Variants in IRAG1 observed in about 807,000 individuals in gnomAD.
The protein encoded by IRAG1 is inositol 1,4,5-triphosphate receptor associated 1.
A neutral mutation model predicts 106.2 loss-of-function variants in IRAG1; 62 were observed. The ratio of observed to expected loss-of-function variants is 0.58; its 90% confidence interval spans 0.48 to 0.72. The LOEUF is 0.72. Among genes scored for constraint, IRAG1 ranks in the 30% least tolerant of loss-of-function variants. The pLI, the probability that IRAG1 is intolerant of heterozygous loss-of-function variation, is 0.00. For synonymous variants in IRAG1, 462 were observed against 443.9 expected (o/e 1.04, Z -0.51); for missense variants, 1,064 against 1,140.7 (o/e 0.93, Z 0.97).
chr11:10,625,082 G>T (rs1291491852), intron 9 of IRAG1, among the ~76,000 whole-genome samples: 1 of 152,178 alleles, frequency 6.6e-6, no homozygotes, highest in Non-Finnish European at 1.5e-5. Flanking sequence ...CATCATGAAG[G>T]TATCTGAATA....
intron 3 of IRAG1, among the ~76,000 whole-genome samples, chr11:10,633,214 A>G (rs1351480040): frequency 2.0e-5 from 3 of 151,446 alleles, no homozygotes; most frequent in African/African-American, 4.9e-5. Context: ...AGCTGGGACT[A>G]CAGGCGCCCG....
At chr11:10,690,266 T>C in intron 1 of IRAG1, 1 of 526,826 alleles carries the variant, frequency 1.9e-6, no homozygotes, top group Non-Finnish European at 3.1e-6. Context: ...GGTACTCACC[T>C]GTAATCCCAG....
rs1386677865 is a variant in IRAG1, at chr11:10,626,297, C to T, written c.1037G>A (p.Arg346Lys). Reference sequence around the variant, plus strand: ...TCCTGCCGCATCCTGGGTTGGACTTCTCGGCAGAGGGCTGCCCTCCCAGCC... The same window carrying T: ...TCCTGCCGCATCCTGGGTTGGACTTTTCGGCAGAGGGCTGCCCTCCCAGCC... Reference protein sequence around the residue: ...KTGWEGSPLPRSPTQDAAGVG... With the variant: ...KTGWEGSPLPKSPTQDAAGVG... The change falls in exon 9 of 21, where the codon AGA becomes AAA. Residue 346 changes from arginine to lysine, a missense_variant. By Grantham distance (26) the Arg-to-Lys change is conservative. Coordinates refer to ENST00000423302, the MANE Select transcript of IRAG1 (RefSeq NM_130385.4). The T allele has an allele frequency of 1.2e-6, 2 of 1,612,968 alleles. No homozygotes were observed. Among genetic ancestry groups the T allele is most frequent in the African/African-American group, 2.7e-5 (2 of 74,924 alleles).
intron 1 of IRAG1, among the ~76,000 whole-genome samples, chr11:10,688,630 C>T (rs1293042294): frequency 1.3e-5 from 2 of 152,070 alleles, no homozygotes; most frequent in Non-Finnish European, 2.9e-5. Flanking sequence ...TTCCTAAATT[C>T]CTGTTGGTTT....
intron 15 of IRAG1, among the ~76,000 whole-genome samples, chr11:10,595,330 T>C (rs1477525745): frequency 6.6e-6 from 1 of 152,198 alleles, no homozygotes; most frequent in East Asian, 1.9e-4. Flanking sequence ...CATGTAATTT[T>C]ATATTTTCTA....
chr11:10,633,144 G>C (rs987667387), intron 3 of IRAG1, among the ~76,000 whole-genome samples: 10 of 149,368 alleles, frequency 6.7e-5, no homozygotes, highest in South Asian at 4.2e-4. Context: ...GCGCGATCTG[G>C]GCTCACTGCA....
chr11:10,685,828 C>T (rs983461742), intron 1 of IRAG1, among the ~76,000 whole-genome samples: 3 of 152,008 alleles, frequency 2.0e-5, no homozygotes, highest in Non-Finnish European at 2.9e-5. Context: ...AGGTCACTAA[C>T]CAGGCTTAGG....
intron 2 of IRAG1, among the ~76,000 whole-genome samples, chr11:10,635,742 T>G (rs1857098486): frequency 6.6e-6 from 1 of 152,194 alleles, no homozygotes; most frequent in Admixed American, 6.5e-5. Flanking sequence ...TCTCTTCCCT[T>G]CTTTGGCCCC....
chr11:10,632,423 TG>T (rs1476302789), intron 3 of IRAG1, among the ~76,000 whole-genome samples: 1 of 152,164 alleles, frequency 6.6e-6, no homozygotes, highest in African/African-American at 2.4e-5. Context: ...TGACCTCAGG[TG>T]ATCTGCCCGC....
At chr11:10,617,552 TAA>T (rs1855524970) in intron 10 of IRAG1, among the ~76,000 whole-genome samples, 1 of 152,226 alleles carries the variant, frequency 6.6e-6, no homozygotes, top group Non-Finnish European at 1.5e-5. Context: ...TCAGCTGAGT[TAA>T]AGTGATTTAC....
chr11:10,673,957 G>C (rs1245694477), intron 1 of IRAG1, among the ~76,000 whole-genome samples: 1 of 151,946 alleles, frequency 6.6e-6, no homozygotes, highest in Non-Finnish European at 1.5e-5. Flanking sequence ...AGAGATGAAG[G>C]GACAGGGACA....
At chr11:10,630,924 T>A (rs1349652586) in intron 4 of IRAG1, among the ~76,000 whole-genome samples, 1 of 152,192 alleles carries the variant, frequency 6.6e-6, no homozygotes. Context: ...CAGAATCCCC[T>A]TGGCCACAGG....
At chr11:10,648,832 C>T (rs934117776) in intron 2 of IRAG1, among the ~76,000 whole-genome samples, 1 of 152,040 alleles carries the variant, frequency 6.6e-6, no homozygotes, top group African/African-American at 2.4e-5. Flanking sequence ...TGCGTGTGTA[C>T]GTGCAGAAAG....
chr11:10,682,834 C>T (rs1321591722), intron 1 of IRAG1, among the ~76,000 whole-genome samples: 1 of 152,178 alleles, frequency 6.6e-6, no homozygotes. Flanking sequence ...GGGATGGCTT[C>T]CCCATGACCA....
intron 1 of IRAG1, among the ~76,000 whole-genome samples, chr11:10,671,452 C>A (rs539196910): frequency 1.3e-5 from 2 of 152,310 alleles, no homozygotes; most frequent in East Asian, 3.9e-4. Flanking sequence ...TAGCTCACAC[C>A]TGTAATACCA....
At chr11:10,653,592 G>A (rs931895194) in intron 1 of IRAG1, among the ~76,000 whole-genome samples, 3 of 152,110 alleles carry the variant, frequency 2.0e-5, no homozygotes, top group African/African-American at 7.2e-5. Context: ...CAGATATCTC[G>A]GTGTGAGTCC....
intron 1 of IRAG1, among the ~76,000 whole-genome samples, chr11:10,660,578 T>A (rs2135007554): frequency 6.6e-6 from 1 of 152,272 alleles, no homozygotes; most frequent in East Asian, 1.9e-4. Flanking sequence ...AGCCCCAGGC[T>A]CCCTGATTCT....
At chr11:10,690,640 A>T (rs937946404) in intron 1 of IRAG1, among the ~76,000 whole-genome samples, 1 of 152,154 alleles carries the variant, frequency 6.6e-6, no homozygotes, top group Admixed American at 6.5e-5. Flanking sequence ...GACACTCAGT[A>T]ACTGCCCCAG....
intron 3 of IRAG1, among the ~76,000 whole-genome samples, chr11:10,633,355 A>G (rs35262023): frequency 0.1 from 15,285 of 152,184 alleles, 964 homozygotes; most frequent in Admixed American, 0.17. Flanking sequence ...GATTACAGGC[A>G]TGAGCCACTG....
Sources: allele counts gnomAD v4.1 joint callset (sites outside exome capture counted in the v4.1 genomes callset), GRCh38; gene constraint gnomAD v4.1.1; transcripts MANE v1.5; gene names NCBI Gene and HGNC (gene_info 2026-07-23, HGNC 2026-07-21).